The following FAM171A1 variants were observed in gnomAD, a reference collection of about 807,000 sequenced individuals.
The protein encoded by FAM171A1 is family with sequence similarity 171 member A1, also known as protein FAM171A1.
A neutral mutation model predicts 74.9 loss-of-function variants in FAM171A1; 23 were observed. The observed-to-expected ratio is 0.31, with a 90% CI of 0.22 to 0.44. The LOEUF (loss-of-function observed/expected upper bound fraction) is 0.44, where lower values mean the gene tolerates loss of function less well. Ranked by LOEUF, FAM171A1 falls within the 20% of genes least tolerant of loss-of-function variation. FAM171A1 has a pLI of 1.00. For synonymous variants in FAM171A1, 527 were observed against 505.7 expected, an observed-to-expected ratio of 1.04 and a Z score of -0.57; for missense variants, 1,162 against 1,159.2, an observed-to-expected ratio of 1.00 and a Z score of -0.03.
chr10:15,356,229 T>TAA (rs1447496358), intron 1 of FAM171A1, among the ~76,000 whole-genome samples: 4 of 148,852 alleles, frequency 2.7e-5, no homozygotes, highest in African/African-American at 1.0e-4. Flanking sequence ...CATATATATA[T>TAA]ATAAATACAT....
chr10:15,299,960 T>TCAAACAAACAAACAAA (rs3033566), intron 1 of FAM171A1, among the ~76,000 whole-genome samples: 3 of 148,610 alleles, frequency 2.0e-5, no homozygotes, highest in African/African-American at 7.5e-5. Flanking sequence ...AGACTCCATC[T>TCAAACAAACAAACAAA]CAAACAAACA....
intron 2 of FAM171A1, among the ~76,000 whole-genome samples, chr10:15,283,001 A>C (rs768690247): frequency 9.9e-5 from 15 of 152,244 alleles, no homozygotes; most frequent in Non-Finnish European, 2.1e-4. Context: ...GAATATGCTC[A>C]CTTGGTGTCC....
At chr10:15,271,427 CGG>C (rs1564629146) in intron 3 of FAM171A1, among the ~76,000 whole-genome samples, 1 of 152,114 alleles carries the variant, frequency 6.6e-6, no homozygotes, top group African/African-American at 2.4e-5. Flanking sequence ...CTGAAAGCGA[CGG>C]GGAGAATGGA....
At chr10:15,315,283 GCTGT>G (rs1425875645) in intron 1 of FAM171A1, among the ~76,000 whole-genome samples, 1 of 152,172 alleles carries the variant, frequency 6.6e-6, no homozygotes, top group Non-Finnish European at 1.5e-5. Context: ...ATGGGCGCAA[GCTGT>G]CTCATCTTCC....
intron 1 of FAM171A1, among the ~76,000 whole-genome samples, chr10:15,356,774 C>T (rs1241217062): frequency 6.6e-6 from 1 of 151,988 alleles, no homozygotes; most frequent in Admixed American, 6.6e-5. Context: ...AGCTCGAGAC[C>T]AGCCTGGCAA....
chr10:15,311,329 C>T (rs1489218907), intron 1 of FAM171A1, among the ~76,000 whole-genome samples: 1 of 152,086 alleles, frequency 6.6e-6, no homozygotes, highest in African/African-American at 2.4e-5. Flanking sequence ...TTTGACATTT[C>T]AATGACTTAG....
rs1050204798 is a variant in FAM171A1 at position 15,276,019 on chromosome 10, T to C, written c.326-72A>G. 8.6e-6 allele frequency: 9 copies of C among 1,045,238 alleles called. No homozygotes were observed. In the African/African-American group the frequency reaches 1.4e-4, roughly 17 times the overall value. The allele number at this position is 1,045,238 out of a possible 1,614,324, so 64.7% of individuals were successfully genotyped here. A position where few individuals can be genotyped will look rare whatever the true frequency, so the allele number is the denominator to read the frequency against. On this transcript the variant is annotated intron_variant, in intron 2 of 7. Coordinates refer to ENST00000378116, the MANE Select transcript of FAM171A1 (RefSeq NM_001010924.2). ...TAAGTGCCTACTCTAATTTTTGGGA[T>C]ACTCTGCAGTTTTTGTATTTTCTGA...
At chr10:15,324,723 C>G (rs1183987090) in intron 1 of FAM171A1, among the ~76,000 whole-genome samples, 1 of 150,584 alleles carries the variant, frequency 6.6e-6, no homozygotes, top group African/African-American at 2.5e-5. Context: ...GCCTTAGTTT[C>G]AAGAGTGAGG....
At chr10:15,353,319 T>G (rs752799679) in intron 1 of FAM171A1, among the ~76,000 whole-genome samples, 4 of 152,344 alleles carry the variant, frequency 2.6e-5, no homozygotes, top group Admixed American at 1.3e-4. Context: ...AAGCAGATAT[T>G]GACTTTTTGT....
intron 3 of FAM171A1, among the ~76,000 whole-genome samples, chr10:15,260,501 T>C (rs1012430995): frequency 2.0e-5 from 3 of 152,180 alleles, no homozygotes; most frequent in Non-Finnish European, 4.4e-5. Context: ...TCAGAACACA[T>C]ATGGATGGTG....
chr10:15,337,376 T>C (rs1365758118), intron 1 of FAM171A1, among the ~76,000 whole-genome samples: 2 of 152,244 alleles, frequency 1.3e-5, no homozygotes, highest in African/African-American at 2.4e-5. Context: ...GCTGAAAAGA[T>C]AGAAAGAGTA....
At chr10:15,275,779 A>G (rs1443001789) in intron 3 of FAM171A1, 76 bp downstream of exon 3, 1 of 985,132 alleles carries the variant, frequency 1.0e-6, no homozygotes, top group African/African-American at 1.6e-5. Flanking sequence ...ATCACATCAC[A>G]TTGTACACCA....
Position 15,283,863 on chromosome 10 carries a change from T to C in FAM171A1, c.325+15A>G, listed in dbSNP as rs779076432. The C allele has an allele frequency of 3.1e-6, 5 of 1,613,172 alleles. No homozygotes were observed. The African/African-American group carries it at 6.7e-5, about 22-fold the overall frequency. The stretch of plus-strand genomic sequence containing the variant: ...CAATGCCCTCTGTGTTAAAGAAAGA[T>C]GAGGAACGCCTTACCAGGTAACCGG... On this transcript the variant is annotated intron_variant, in intron 2 of 7. Transcript: ENST00000378116.
At chr10:15,371,428 G>A (rs575044615), upstream of FAM171A1, among the ~76,000 whole-genome samples, 38 of 147,818 alleles carry the variant, frequency 2.6e-4, no homozygotes, top group African/African-American at 6.1e-4. Flanking sequence ...GACCCCCGGC[G>A]ACACTGCCCC....
At chr10:15,310,741 A>G (rs1045567830) in intron 1 of FAM171A1, among the ~76,000 whole-genome samples, 9 of 152,100 alleles carry the variant, frequency 5.9e-5, no homozygotes, top group African/African-American at 2.2e-4. Context: ...GCGTGCCTGT[A>G]GTCCCAGCTA....
chr10:15,322,406 C>T (rs1002244331), intron 1 of FAM171A1, among the ~76,000 whole-genome samples: 1 of 152,168 alleles, frequency 6.6e-6, no homozygotes, highest in African/African-American at 2.4e-5. Flanking sequence ...CTGCTCCATC[C>T]ATGTTACATA....
intron 1 of FAM171A1, among the ~76,000 whole-genome samples, chr10:15,303,839 T>C (rs183134431): frequency 3.4e-3 from 515 of 152,190 alleles, no homozygotes; most frequent in African/African-American, 0.012. Context: ...AGAACACCCA[T>C]CAGTTAAAGG....
chr10:15,284,092 C>A lies in FAM171A1; in HGVS notation c.111G>T (p.Lys37Asn), dbSNP rs746606262. ...GGGTGCTGGCGTCGCTGATGTGCAC[C>A]TTTAACGTCACCTCTGGAGGTAGAG... is the stretch of plus-strand genomic sequence containing the variant. ...PGAGAQEVTL[K>N]VHISDASTHQ... The change falls in exon 2 of 8, where the codon AAG becomes AAT. Residue 37 changes from lysine (K) to asparagine (N), a missense_variant. Physicochemically the swap from Lys to Asn is moderately conservative, Grantham distance 94. Coordinates refer to ENST00000378116, the MANE Select transcript of FAM171A1 (RefSeq NM_001010924.2). The A allele has an allele frequency of 9.9e-6, 16 of 1,613,402 alleles. No individual in the cohort carries two copies. The highest frequency in any genetic ancestry group is 1.7e-5 in the Admixed American group (1 of 59,984).
chr10:15,259,324 C>T (rs2131774874), intron 3 of FAM171A1, among the ~76,000 whole-genome samples: 1 of 152,298 alleles, frequency 6.6e-6, no homozygotes, highest in Middle Eastern at 3.4e-3. Context: ...GGGCCATCTG[C>T]TTCAGCCTCA....
Sources: allele counts gnomAD v4.1 joint callset (sites outside exome capture counted in the v4.1 genomes callset), GRCh38; gene constraint gnomAD v4.1.1; transcripts MANE v1.5; gene names NCBI Gene and HGNC (gene_info 2026-07-23, HGNC 2026-07-21).